The following DCC variants were observed in gnomAD, a reference collection of about 807,000 sequenced individuals.
The protein encoded by DCC is DCC netrin 1 receptor, also known as netrin receptor DCC.
DCC carries 58 observed loss-of-function variants against 172.5 expected under a neutral mutation model. That is an observed-to-expected ratio of 0.34 (90% CI 0.27 to 0.42). The LOEUF (loss-of-function observed/expected upper bound fraction) is 0.42, where lower values mean the gene tolerates loss of function less well. DCC is among the 10% of genes least tolerant of loss of function. The pLI is 1.00. For synonymous variants in DCC, 709 were observed against 644.5 expected, an observed-to-expected ratio of 1.10 and a Z score of -1.52; for missense variants, 1,740 against 1,791.0, an observed-to-expected ratio of 0.97 and a Z score of 0.51.
chr18:52,623,016 C>A (rs2034508928), intron 1 of DCC, among the ~76,000 whole-genome samples: 2 of 152,190 alleles, frequency 1.3e-5, no homozygotes, highest in Admixed American at 1.3e-4. Context: ...CTTGTTTCCA[C>A]TTTTCTTATC....
chr18:53,207,554 C>A, intron 10 of DCC, 125 bp from the exon 11 acceptor site: 3 of 907,692 alleles, frequency 3.3e-6, no homozygotes, highest in South Asian at 1.4e-5. Flanking sequence ...GGTTTTATAG[C>A]TCATTAGAAG....
chr18:53,279,631 A>G (rs552751134), intron 12 of DCC, among the ~76,000 whole-genome samples: 332 of 129,926 alleles, frequency 2.6e-3, no homozygotes, highest in African/African-American at 8.9e-3. Flanking sequence ...CCTGTACCCT[A>G]AAACTTAAAG....
chr18:52,478,012 G>C (rs929043881), intron 1 of DCC, among the ~76,000 whole-genome samples: 1 of 151,866 alleles, frequency 6.6e-6, no homozygotes, highest in Non-Finnish European at 1.5e-5. Context: ...GTCTCCCTTT[G>C]TTCCCCAGGC....
intron 27 of DCC, among the ~76,000 whole-genome samples, chr18:53,506,450 A>AGAG (rs1220828377): frequency 6.6e-6 from 1 of 152,240 alleles, no homozygotes; most frequent in Middle Eastern, 3.2e-3. Flanking sequence ...TAAATTGCAT[A>AGAG]GAGTGGAAAA....
At chr18:52,345,853 T>A (rs923262862) in intron 1 of DCC, among the ~76,000 whole-genome samples, 1 of 152,242 alleles carries the variant, frequency 6.6e-6, no homozygotes, top group African/African-American at 2.4e-5. Flanking sequence ...TTCTAACTTG[T>A]GGCCTCTCAG....
intron 9 of DCC, among the ~76,000 whole-genome samples, chr18:53,201,890 C>T (rs1368921811): frequency 6.6e-6 from 1 of 152,060 alleles, no homozygotes; most frequent in South Asian, 2.1e-4. Context: ...AGGGTTCTTT[C>T]TGTGAAATAA....
chr18:53,499,651 C>G, intron 27 of DCC, 141 bp downstream of exon 27: 1 of 777,922 alleles, frequency 1.3e-6, no homozygotes, highest in South Asian at 1.4e-5. Flanking sequence ...ATTTTTGTTA[C>G]TGATGCTTGT....
At chr18:52,667,940 AAAAG>A (rs991955058) in intron 1 of DCC, among the ~76,000 whole-genome samples, 1 of 152,182 alleles carries the variant, frequency 6.6e-6, no homozygotes, top group Non-Finnish European at 1.5e-5. Context: ...GTTTAAACAA[AAAAG>A]AAAGAAGACA....
At chr18:52,928,889 G>A (rs2040259264) in intron 5 of DCC, among the ~76,000 whole-genome samples, 2 of 152,124 alleles carry the variant, frequency 1.3e-5, no homozygotes, top group African/African-American at 2.4e-5. Context: ...ATGTCACTCA[G>A]GTGTCAGCTT....
intron 12 of DCC, among the ~76,000 whole-genome samples, chr18:53,272,530 G>A (rs867681570): frequency 5.3e-5 from 8 of 152,064 alleles, no homozygotes; most frequent in Non-Finnish European, 2.9e-5. Context: ...CTGAGTTATA[G>A]TATGAATTGG....
chr18:53,350,399 A>G (rs1166760170), intron 15 of DCC, among the ~76,000 whole-genome samples: 1 of 152,174 alleles, frequency 6.6e-6, no homozygotes, highest in Non-Finnish European at 1.5e-5. Context: ...GGTTATTTCC[A>G]TGAATACTCA....
intron 5 of DCC, among the ~76,000 whole-genome samples, chr18:53,037,484 C>T (rs536823652): frequency 1.0e-3 from 159 of 151,896 alleles, no homozygotes; most frequent in Middle Eastern, 3.2e-3. Flanking sequence ...TGTACAGCCT[C>T]GCTCTGTTAT....
At position 53,103,564 on chromosome 18, in the gene DCC, T is replaced by C. The variant is rs115557154; in HGVS notation, c.1261+37398T>C. ...TCATAATGTTCATCCATGATTAAAA[T>C]AATGTGCTATGACTCTCAATGAAAA... On this transcript the variant is annotated intron_variant, in intron 7 of 28. Transcript: ENST00000442544. Among the ~76,000 whole-genome samples, 370 of 152,080 alleles carry C rather than the reference T, an allele frequency of 2.4e-3. 1 individual carries two copies. Among genetic ancestry groups the C allele is most frequent in the African/African-American group, 8.5e-3 (352 of 41,520 alleles).
At chr18:52,373,007 G>A (rs1568137886) in intron 1 of DCC, among the ~76,000 whole-genome samples, 1 of 152,124 alleles carries the variant, frequency 6.6e-6, no homozygotes, top group Non-Finnish European at 1.5e-5. Flanking sequence ...AGGTTTGATT[G>A]TGTTGACAAC....
intron 1 of DCC, among the ~76,000 whole-genome samples, chr18:52,361,582 T>A (rs1362845929): frequency 1.3e-5 from 2 of 152,196 alleles, no homozygotes; most frequent in Admixed American, 6.5e-5. Context: ...AATGTTCAAC[T>A]GCCCTCTTGA....
intron 5 of DCC, among the ~76,000 whole-genome samples, chr18:52,991,405 T>G (rs567213445): frequency 6.6e-6 from 1 of 152,320 alleles, no homozygotes; most frequent in South Asian, 2.1e-4. Context: ...TATTGGCAGA[T>G]TGAAGGGCGT....
chr18:52,409,696 G>A (rs1293889054), intron 1 of DCC, among the ~76,000 whole-genome samples: 1 of 152,150 alleles, frequency 6.6e-6, no homozygotes, highest in Non-Finnish European at 1.5e-5. Context: ...TCTGGATAGA[G>A]AGCCTTCTTC....
chr18:52,695,392 T>C (rs1208191636), intron 1 of DCC, among the ~76,000 whole-genome samples: 1 of 152,196 alleles, frequency 6.6e-6, no homozygotes, highest in African/African-American at 2.4e-5. Context: ...AGTAGTCCCT[T>C]CATGTTGGAT....
intron 13 of DCC, among the ~76,000 whole-genome samples, chr18:53,316,638 C>T (rs1169364606): frequency 6.6e-6 from 1 of 152,078 alleles, no homozygotes; most frequent in African/African-American, 2.4e-5. Flanking sequence ...TTTCCTTGAG[C>T]AATGGTTTGT....
Sources: gnomAD v4.1 joint callset for allele counts (sites outside exome capture counted in the v4.1 genomes callset) on GRCh38, gnomAD v4.1.1 for gene constraint, MANE v1.5 for transcripts, NCBI Gene and HGNC (gene_info 2026-07-23, HGNC 2026-07-21) for gene names.